UNC80: variants seen among roughly 807,000 people sequenced by gnomAD.
UNC80 encodes protein unc-80 homolog.
Under a neutral mutation model 384.6 loss-of-function variants are expected in UNC80, and 164 were observed. The ratio of observed to expected loss-of-function variants is 0.43; its 90% CI spans 0.38 to 0.49. The LOEUF (loss-of-function observed/expected upper bound fraction) is 0.49. Ranked by LOEUF, UNC80 falls within the 20% of genes least tolerant of loss-of-function variation. UNC80 has a pLI of 0.00. For missense variants in UNC80, 3,330 were observed against 4,143.0 expected, an observed-to-expected ratio of 0.80 and a Z score of 5.39; for synonymous variants, 1,486 against 1,527.8, an observed-to-expected ratio of 0.97 and a Z score of 0.64.
intron 18 of UNC80, 75 bp downstream of exon 18, chr2:209,835,085 T>A (rs559301623): frequency 8.3e-7 from 1 of 1,206,986 alleles, no homozygotes; most frequent in Non-Finnish European, 1.2e-6. Flanking sequence ...TTTTCCAAAC[T>A]GCTATTTGTT....
intron 22 of UNC80, among the ~76,000 whole-genome samples, chr2:209,853,070 T>C (rs1357584252): frequency 6.6e-6 from 1 of 152,068 alleles, no homozygotes; most frequent in Non-Finnish European, 1.5e-5. Flanking sequence ...TAGATATACA[T>C]ATACACAGAT....
chr2:209,866,533 C>CATACAG (rs1307214321), intron 22 of UNC80, among the ~76,000 whole-genome samples: 1 of 104,086 alleles, frequency 9.6e-6, no homozygotes, highest in Admixed American at 9.1e-5. Context: ...CACACACACA[C>CATACAG]AGAGAGAGAG....
intron 58 of UNC80, 138 bp from the exon 59 acceptor site, chr2:209,978,391 C>G (rs560784388): frequency 4.1e-5 from 28 of 681,470 alleles, no homozygotes; most frequent in Non-Finnish European, 5.7e-5. Flanking sequence ...TCATTTGCAA[C>G]TTTGTTATAA....
At chr2:209,812,599 A>G (rs556831889) in intron 7 of UNC80, among the ~76,000 whole-genome samples, 6 of 152,194 alleles carry the variant, frequency 3.9e-5, no homozygotes, top group Non-Finnish European at 8.8e-5. Flanking sequence ...CACCTAAATC[A>G]GAAGGAAATT....
chr2:209,836,144 A>T (rs1216853305), intron 18 of UNC80, among the ~76,000 whole-genome samples: 1 of 152,228 alleles, frequency 6.6e-6, no homozygotes, highest in Non-Finnish European at 1.5e-5. Flanking sequence ...TCAGATTATT[A>T]TTAAGCTTTT....
intron 28 of UNC80, among the ~76,000 whole-genome samples, chr2:209,902,580 C>T (rs2087538950): frequency 6.6e-6 from 1 of 152,210 alleles, no homozygotes. Flanking sequence ...GCCACCCCAA[C>T]CTTCAGCAAC....
intron 48 of UNC80, chr2:209,954,505 A>G: frequency 3.1e-6 from 1 of 324,486 alleles, no homozygotes; most frequent in Non-Finnish European, 5.5e-6. Flanking sequence ...TATTCTTACT[A>G]TCATTGCTAA....
Position 209,995,461 on chromosome 2 carries a change from C to T in UNC80, c.9841C>T (p.Leu3281=), listed in dbSNP as rs2093469395. The change falls in exon 65 of 65, where the codon CTA becomes TTA. Residue 3281 remains leucine (L), a synonymous_variant. Transcript: ENST00000673920. The stretch of plus-strand genomic sequence containing the variant: ...CACAGGCCTCGAGACATCCAGCCTC[C>T]TACAGCATGGAGACACTGTCCTTCA... ...DFTGLETSSL[L]QHGDTVLHIS... 1 of 1,551,866 alleles carries T rather than the reference C, an allele frequency of 6.4e-7. No individual in the cohort carries two copies. Among genetic ancestry groups the T allele is most frequent in the South Asian group, 1.2e-5 (1 of 84,058 alleles).
chr2:209,862,003 C>T (rs9677282), intron 22 of UNC80, among the ~76,000 whole-genome samples: 26,470 of 151,878 alleles, frequency 0.17, 3,175 homozygotes, highest in African/African-American at 0.34. Flanking sequence ...TTCATTGATT[C>T]TTTTGGAGCA....
At chr2:209,791,256 C>T (rs531162165) in intron 6 of UNC80, among the ~76,000 whole-genome samples, 1 of 152,290 alleles carries the variant, frequency 6.6e-6, no homozygotes, top group Admixed American at 6.5e-5. Context: ...TTTATTAACT[C>T]ACCATTCCAC....
chr2:209,931,364 AACACACACACACACACACAC>A (rs61386739), intron 38 of UNC80, among the ~76,000 whole-genome samples: 73 of 125,556 alleles, frequency 5.8e-4, no homozygotes, highest in Middle Eastern at 4.1e-3. Context: ...TCTATGTTTA[AACACACACACACACACACAC>A]ACACACACAC....
chr2:209,911,808 G>A (rs1430415629), intron 29 of UNC80, among the ~76,000 whole-genome samples: 2 of 152,158 alleles, frequency 1.3e-5, no homozygotes, highest in African/African-American at 2.4e-5. Flanking sequence ...CCTTCGTTAG[G>A]TTCAGTCCTT....
chr2:209,914,442 G>A (rs185053311), intron 31 of UNC80, among the ~76,000 whole-genome samples: 1,959 of 152,108 alleles, frequency 0.013, 43 homozygotes, highest in African/African-American at 0.044. Context: ...TATACAGATC[G>A]CTAAATTTGT....
At chr2:209,866,531 CACAGAGAGAGAG>C (rs2083832665) in intron 22 of UNC80, among the ~76,000 whole-genome samples, 9 of 122,030 alleles carry the variant, frequency 7.4e-5, no homozygotes, top group African/African-American at 3.4e-4. Flanking sequence ...CACACACACA[CACAGAGAGAGAG>C]AGAGAGAGAG....
At chr2:209,809,702 G>A (rs990444252) in intron 7 of UNC80, 5 of 491,094 alleles carry the variant, frequency 1.0e-5, no homozygotes, top group South Asian at 3.3e-5. Context: ...CCTCCTGAGC[G>A]CCCCCATTTC....
At chr2:209,791,069 C>T (rs368732647) in intron 6 of UNC80, among the ~76,000 whole-genome samples, 3 of 152,028 alleles carry the variant, frequency 2.0e-5, no homozygotes, top group African/African-American at 7.2e-5. Context: ...GTCTTCTTTT[C>T]GTTATGTTGC....
At chr2:209,833,829 G>C (rs1270740968) in intron 16 of UNC80, among the ~76,000 whole-genome samples, 173 bp from the exon 17 acceptor site, 1 of 152,136 alleles carries the variant, frequency 6.6e-6, no homozygotes, top group Non-Finnish European at 1.5e-5. Context: ...TTCTTCTATA[G>C]GAACATTGTA....
intron 14 of UNC80, 65 bp from the exon 15 acceptor site, chr2:209,829,167 G>T (rs373440458): frequency 2.0e-6 from 3 of 1,530,188 alleles, no homozygotes; most frequent in East Asian, 2.5e-5. Context: ...TTCTGTCTCA[G>T]ACTACCAGTA....
rs754459603 is a variant in UNC80, at chr2:209,835,052, A to G, written c.3041+42A>G. 15 of 1,416,896 alleles carry G rather than the reference A, an allele frequency of 1.1e-5. No homozygotes were observed. The South Asian group carries it at 1.6e-4, about 15-fold the overall frequency. 87.8% of individuals were successfully genotyped at this position (1,416,896 alleles called of 1,614,324 possible). ...TTGTCTCCAGTGCAGACGGCTATGC[A>G]CTTCACTCTGGAAGAATTTCTATTT... On this transcript the variant is annotated intron_variant, in intron 18 of 64. Coordinates refer to ENST00000673920, the MANE Select transcript of UNC80 (RefSeq NM_001371986.1).
Sources: gnomAD v4.1 joint callset for allele counts (sites outside exome capture counted in the v4.1 genomes callset) on GRCh38, gnomAD v4.1.1 for gene constraint, MANE v1.5 for transcripts, NCBI Gene and HGNC (gene_info 2026-07-23, HGNC 2026-07-21) for gene names.